Variants in ICAM3 observed in about 807,000 individuals in gnomAD.
ICAM3 encodes the protein intercellular adhesion molecule 3, also known as ICAM-3.
ICAM3 carries 54 observed loss-of-function variants against 43.6 expected under a neutral mutation model. That is an observed-to-expected ratio of 1.24 (90% CI 0.99 to 1.55). The LOEUF (loss-of-function observed/expected upper bound fraction) is 1.55. Ranked by LOEUF, ICAM3 falls within the 40% of genes most tolerant of loss-of-function variation. ICAM3 has a pLI of 0.00. For missense variants in ICAM3, 715 were observed against 717.9 expected (o/e 1.00, Z 0.05); for synonymous variants, 306 against 312.6 (o/e 0.98, Z 0.22).
At chr19:10,337,856 G>A (rs534988269) in intron 2 of ICAM3, among the ~76,000 whole-genome samples, 4 of 152,190 alleles carry the variant, frequency 2.6e-5, no homozygotes, top group Admixed American at 1.3e-4. Flanking sequence ...TTAAATTTCC[G>A]GACTCAAGCA....
Position 10,334,653 on chromosome 19 carries a change from T to C in ICAM3, c.1067A>G (p.Gln356Arg). 6.2e-7 allele frequency: 1 copy of C among 1,613,434 alleles called. No individual in the cohort carries two copies. Among genetic ancestry groups the C allele is most frequent in the South Asian group, 1.1e-5 (1 of 91,080 alleles). The change falls in exon 5 of 7, where the codon CAG (glutamine) becomes CGG (arginine). Residue 356 changes from glutamine (Q) to arginine (R), a missense_variant. Coordinates refer to ENST00000160262, the MANE Select transcript of ICAM3 (RefSeq NM_002162.5). The surrounding 1 kb of genome is among the most constrained non-coding windows in gnomAD (Gnocchi z 5.5). ...LDGVPAAAPG[Q>R]PAQLQLNATE... ...AGCATTTAGCTGAAGTTGAGCTGGC[T>C]GCCCCGGGGCCGCGGCCGGAACTCC...
Position 10,335,075 on chromosome 19 carries a change from TC to T in ICAM3, c.927del (p.Thr310ArgfsTer6), listed in dbSNP as rs771126563. On this transcript the variant is annotated frameshift_variant, in exon 4 of 7. Transcript: ENST00000160262. LOFTEE classifies it high-confidence loss of function. ...GGERREAREN[L>X]TVFSFLGPIV... ...CCACGCCTCCTCTTACTAAAGACCG[TC>T]AAGTTCTCCCGGGCCTCCCGTCTCT... The T allele has an allele frequency of 8.1e-6, 13 of 1,612,550 alleles. No individual in the cohort carries two copies. In the Admixed American group the frequency reaches 2.2e-4, roughly 27 times the overall value.
At chr19:10,337,084 T>A (rs1398381446) in intron 2 of ICAM3, among the ~76,000 whole-genome samples, 2 of 150,686 alleles carry the variant, frequency 1.3e-5, no homozygotes, top group East Asian at 3.9e-4. Context: ...TACTCCAGCA[T>A]GGGGGACAAT....
At position 10,338,863 on chromosome 19, in the gene ICAM3, A is replaced by G; in HGVS notation, c.162T>C (p.Ser54=). 3 of 1,614,148 alleles carry G rather than the reference A, an allele frequency of 1.9e-6. No individual in the cohort carries two copies. The highest frequency in any genetic ancestry group is 2.5e-6 in the Non-Finnish European group (3 of 1,180,020). ...TTTTCTCAGAGCTGGGACAATCAGT[A>G]CTGCAGTTCACAAACAGGGACCCTC... The part of the protein sequence containing the change: ...SAGGSLFVNC[S]TDCPSSEKIA... Residue 54 remains serine (S), a synonymous_variant, in exon 2 of 7, where the codon AGT becomes AGC. Transcript: ENST00000160262.
At chr19:10,337,963 G>C (rs2040616075) in intron 2 of ICAM3, among the ~76,000 whole-genome samples, 1 of 152,048 alleles carries the variant, frequency 6.6e-6, no homozygotes, top group Non-Finnish European at 1.5e-5. Context: ...AGGCTGATGT[G>C]GGCGGAACAC....
At position 10,333,793 on chromosome 19, in the gene ICAM3, T is replaced by C; in HGVS notation, c.*64A>G. On this transcript the variant is annotated 3_prime_UTR_variant, in exon 7 of 7. Transcript: ENST00000160262. The surrounding 1 kb of genome is among the most constrained non-coding windows in gnomAD (Gnocchi z 4.2). Reference sequence around the variant, plus strand: ...ACCACAGATTAGGGAGTTTGAAGGCTTTATTGGTGCGGAATCTGAGGGCAC... The same window carrying C: ...ACCACAGATTAGGGAGTTTGAAGGCCTTATTGGTGCGGAATCTGAGGGCAC... The C allele has an allele frequency of 6.4e-7, 1 of 1,551,324 alleles. No individual in the cohort carries two copies. The highest frequency in any genetic ancestry group is 8.9e-7 in the Non-Finnish European group (1 of 1,126,334).
In ICAM3 at chr19:10,338,680, A is replaced by G. The variant is rs772254677; in HGVS notation, c.343+2T>C. The G allele has an allele frequency of 8.7e-6, 14 of 1,613,688 alleles. No individual in the cohort carries two copies. Among genetic ancestry groups the G allele is most frequent in the African/African-American group, 2.7e-5 (2 of 75,008 alleles). On this transcript the variant is annotated splice_donor_variant, in intron 2 of 6. Coordinates refer to ENST00000160262, the MANE Select transcript of ICAM3 (RefSeq NM_002162.5). LOFTEE classifies it high-confidence loss of function. ...GTCCCACCTCCGGACACGTCGACTC[A>G]CTGTACACGGTGATGTTAGAGGAGC... is the stretch of plus-strand genomic sequence containing the variant.
chr19:10,335,619 C>T (rs1345373106), intron 3 of ICAM3, 52 bp downstream of exon 3: 3 of 1,506,500 alleles, frequency 2.0e-6, no homozygotes, highest in Non-Finnish European at 2.7e-6. Flanking sequence ...GGTCAGGGCA[C>T]CGTCTACCCT....
At chr19:10,338,125 C>T (rs904543246) in intron 2 of ICAM3, among the ~76,000 whole-genome samples, 8 of 151,326 alleles carry the variant, frequency 5.3e-5, no homozygotes, top group South Asian at 2.1e-4. Flanking sequence ...TTGTTGGGGC[C>T]GGGCGCAGTG....
rs755012486 is a variant in ICAM3, at chr19:10,335,689, G to C, written c.631C>G (p.Arg211Gly). The C allele has an allele frequency of 6.2e-7, 1 of 1,604,874 alleles. No individual in the cohort carries two copies. The highest frequency in any genetic ancestry group is 8.5e-7 in the Non-Finnish European group (1 of 1,176,076). Residue 211 changes from arginine (R) to glycine (G), a missense_variant, in exon 3 of 7, where the codon CGC becomes GGC. By Grantham distance (125) the Arg-to-Gly change is moderately radical. Coordinates refer to ENST00000160262, the MANE Select transcript of ICAM3 (RefSeq NM_002162.5). Reference sequence around the variant, plus strand: ...CTCTCACCAAAGGTTCGGAGCTGGCGGGGGGCTGAGGTGTTCACGAACAGT... The same window carrying C: ...CTCTCACCAAAGGTTCGGAGCTGGCCGGGGGCTGAGGTGTTCACGAACAGT... ...LGLFVNTSAPRQLRTFVLPVT... is the reference protein window; with the variant it reads ...LGLFVNTSAPGQLRTFVLPVT...
chr19:10,334,777 G>C lies in ICAM3; in HGVS notation c.943C>G (p.Leu315Val). Reference sequence around the variant, plus strand: ...TCGCTGAGGTTCACAATGGGTCCTAGGAAGCCTAAAGGCGGGGCATTGCCC... The same window carrying C: ...TCGCTGAGGTTCACAATGGGTCCTACGAAGCCTAAAGGCGGGGCATTGCCC... ...ARENLTVFSF[L>V]GPIVNLSEPT... The change falls in exon 5 of 7, where the codon CTA becomes GTA. Residue 315 changes from leucine to valine, a missense_variant. Leu to Val is a conservative substitution (Grantham distance 32). Transcript: ENST00000160262. The surrounding 1 kb of genome is among the most constrained non-coding windows in gnomAD (Gnocchi z 5.5). The C allele has an allele frequency of 1.9e-6, 3 of 1,589,928 alleles. No homozygotes were observed. Among genetic ancestry groups the C allele is most frequent in the Non-Finnish European group, 1.7e-6 (2 of 1,165,446 alleles).
chr19:10,336,645 A>T (rs1835638791), intron 2 of ICAM3, among the ~76,000 whole-genome samples: 1 of 151,918 alleles, frequency 6.6e-6, no homozygotes, highest in Non-Finnish European at 1.5e-5. Flanking sequence ...ATCTCTACTA[A>T]AAATACAAAA....
chr19:10,337,917 C>T (rs1051449534), intron 2 of ICAM3, among the ~76,000 whole-genome samples: 8 of 152,140 alleles, frequency 5.3e-5, no homozygotes, highest in African/African-American at 1.7e-4. Flanking sequence ...TGGGGCCAGG[C>T]GCAGTGGCTC....
chr19:10,336,047 G>T, intron 2 of ICAM3, 71 bp from the exon 3 acceptor site: 1 of 1,398,076 alleles, frequency 7.2e-7, no homozygotes, highest in Non-Finnish European at 9.5e-7. Flanking sequence ...GGACTGGGGA[G>T]GAGACAGGGT....
In ICAM3 at chr19:10,334,749, G is replaced by A. The variant is rs577994519; in HGVS notation, c.971C>T (p.Pro324Leu). The A allele has an allele frequency of 1.6e-5, 25 of 1,607,730 alleles. No homozygotes were observed. The South Asian group carries it at 2.2e-4, about 14-fold the overall frequency. ...FLGPIVNLSE[P>L]TAHEGSTVTV... ...CACTGTGGACCCCTCATGGGCGGTG[G>A]GCTCGCTGAGGTTCACAATGGGTCC... Residue 324 changes from proline to leucine, a missense_variant, in exon 5 of 7, where the codon CCC becomes CTC. Pro to Leu is a moderately conservative substitution (Grantham distance 98). Coordinates refer to ENST00000160262, the MANE Select transcript of ICAM3 (RefSeq NM_002162.5). The surrounding 1 kb of genome is among the most constrained non-coding windows in gnomAD (Gnocchi z 5.5).
chr19:10,334,655 CCCCGGGG>C lies in ICAM3; in HGVS notation c.1058_1064del (p.Ala353GlyfsTer8), dbSNP rs1568316632. 3.1e-6 allele frequency: 5 copies of C among 1,613,386 alleles called. No individual in the cohort carries two copies. The South Asian group carries it at 4.4e-5, about 14-fold the overall frequency. On this transcript the variant is annotated frameshift_variant, in exon 5 of 7. Transcript: ENST00000160262. LOFTEE classifies it high-confidence loss of function. This position sits in a 1 kb window ranked among gnomAD's most constrained non-coding sequence, Gnocchi z 5.5. ...CATTTAGCTGAAGTTGAGCTGGCTGCCCCGGGGCCGCGGCCGGAACTCCGTCCAGCGT... is the reference window on the plus strand; with the variant it reads ...CATTTAGCTGAAGTTGAGCTGGCTGCCCGCGGCCGGAACTCCGTCCAGCGT...
chr19:10,335,092 T>C lies in ICAM3; in HGVS notation c.911A>G (p.Glu304Gly). The change falls in exon 4 of 7, where the codon GAG becomes GGG. Residue 304 changes from glutamate (E) to glycine (G), a missense_variant. Glu to Gly is a moderately conservative substitution (Grantham distance 98). Coordinates refer to ENST00000160262, the MANE Select transcript of ICAM3 (RefSeq NM_002162.5). ...AAAGACCGTCAAGTTCTCCCGGGCC[T>C]CCCGTCTCTCGCCCCCTAGGGTCAC... ...CNVTLGGERR[E>G]ARENLTVFSF... is the part of the protein sequence containing the mutation. 1 of 1,613,246 alleles carries C rather than the reference T, an allele frequency of 6.2e-7. No individual in the cohort carries two copies. The highest frequency in any genetic ancestry group is 8.5e-7 in the Non-Finnish European group (1 of 1,179,680).
chr19:10,338,683 G>A lies in ICAM3; in HGVS notation c.342C>T (p.Tyr114=), dbSNP rs764040955. The A allele has an allele frequency of 3.7e-6, 6 of 1,613,966 alleles. No homozygotes were observed. Among genetic ancestry groups the A allele is most frequent in the Middle Eastern group, 1.7e-4 (1 of 6,054 alleles). The part of the protein sequence containing the change: ...QITGSSNITV[Y]RLPERVELAP... ...CCACCTCCGGACACGTCGACTCACTGTACACGGTGATGTTAGAGGAGCCTG... is the reference window on the plus strand; with the variant it reads ...CCACCTCCGGACACGTCGACTCACTATACACGGTGATGTTAGAGGAGCCTG... Residue 114 remains tyrosine, a splice_region_variant and synonymous_variant, in exon 2 of 7, where the codon TAC becomes TAT. Coordinates refer to ENST00000160262, the MANE Select transcript of ICAM3 (RefSeq NM_002162.5).
Position 10,334,066 on chromosome 19 carries a change from A to C in ICAM3, c.1442-7T>G. On this transcript the variant is annotated splice_region_variant and splice_polypyrimidine_tract_variant and intron_variant, in intron 6 of 6. Coordinates refer to ENST00000160262, the MANE Select transcript of ICAM3 (RefSeq NM_002162.5). The surrounding 1 kb of genome is among the most constrained non-coding windows in gnomAD (Gnocchi z 5.5). ...ACAAAGTGGGAGCTCCCAGCTGTGC[A>C]GAGAAAGCGCTAAGTCAATATGCGT... 1 of 1,613,922 alleles carries C rather than the reference A, an allele frequency of 6.2e-7. No individual in the cohort carries two copies. The highest frequency in any genetic ancestry group is 1.1e-5 in the South Asian group (1 of 91,086).
Sources: allele counts gnomAD v4.1 joint callset (sites outside exome capture counted in the v4.1 genomes callset), GRCh38; gene constraint gnomAD v4.1.1; non-coding constraint Gnocchi (gnomAD v3.1); transcripts MANE v1.5; gene names NCBI Gene and HGNC (gene_info 2026-07-23, HGNC 2026-07-21).